Variants in ACYP2 observed in about 807,000 individuals in gnomAD.
The protein encoded by ACYP2 is acylphosphatase 2, also known as acylphosphatase-2.
A neutral mutation model predicts 11.2 loss-of-function variants in ACYP2; 12 were observed. The ratio of observed to expected loss-of-function variants is 1.08; its 90% CI spans 0.69 to 1.74. ACYP2 has a LOEUF of 1.74. Ranked by LOEUF, ACYP2 falls within the 40% of genes most tolerant of loss-of-function variation. The probability of loss-of-function intolerance (pLI) is 0.00; values close to 1 mark genes in which losing one functional copy is unlikely to be tolerated. For synonymous variants in ACYP2, 43 were observed against 32.2 expected (o/e 1.33, Z -1.13); for missense variants, 134 against 101.9 (o/e 1.31, Z -1.35).
At chr2:54,240,752 A>G (rs13415033) in intron 6 of ACYP2, among the ~76,000 whole-genome samples, 2,047 of 152,294 alleles carry the variant, frequency 0.013, 54 homozygotes, top group African/African-American at 0.047. Flanking sequence ...GAGAACTAAG[A>G]GTCAGGAAAC....
intron 4 of ACYP2, among the ~76,000 whole-genome samples, chr2:54,113,222 T>A (rs557210200): frequency 5.3e-5 from 8 of 151,522 alleles, no homozygotes; most frequent in African/African-American, 1.9e-4. Flanking sequence ...AGAGTCTGCA[T>A]GAGTTCAGTA....
At chr2:53,993,380 G>GA (rs1041492154) in intron 2 of ACYP2, among the ~76,000 whole-genome samples, 25 of 150,700 alleles carry the variant, frequency 1.7e-4, no homozygotes, top group African/African-American at 5.1e-4. Flanking sequence ...CTGGAAGGAA[G>GA]AAAAAAAAAG....
chr2:54,088,358 A>G (rs1408953068), intron 4 of ACYP2, among the ~76,000 whole-genome samples: 1 of 152,084 alleles, frequency 6.6e-6, no homozygotes, highest in Non-Finnish European at 1.5e-5. Context: ...ATTACTGTGA[A>G]ATGGGTCACA....
At chr2:54,092,143 T>G (rs1678269528) in intron 4 of ACYP2, among the ~76,000 whole-genome samples, 1 of 151,914 alleles carries the variant, frequency 6.6e-6, no homozygotes, top group African/African-American at 2.4e-5. Flanking sequence ...AAAGAGCAGT[T>G]TAAGGAAGGG....
intron 2 of ACYP2, among the ~76,000 whole-genome samples, chr2:53,989,738 T>C (rs974478349): frequency 6.6e-6 from 1 of 152,202 alleles, no homozygotes; most frequent in Non-Finnish European, 1.5e-5. Context: ...ATAAGTGATA[T>C]TGGATCTGTG....
At chr2:54,221,492 G>A (rs1041292721) in intron 6 of ACYP2, among the ~76,000 whole-genome samples, 4 of 149,608 alleles carry the variant, frequency 2.7e-5, no homozygotes, top group African/African-American at 9.9e-5. Flanking sequence ...TTGGCTAGTG[G>A]CCATTACAAA....
chr2:54,200,149 C>G (rs112704777), intron 6 of ACYP2, among the ~76,000 whole-genome samples: 3 of 152,136 alleles, frequency 2.0e-5, no homozygotes, highest in Non-Finnish European at 2.9e-5. Context: ...AAATCTGAAG[C>G]TGAGTTTGGT....
chr2:54,274,911 C>T (rs1688481414), intron 6 of ACYP2, among the ~76,000 whole-genome samples: 2 of 152,192 alleles, frequency 1.3e-5, no homozygotes, highest in South Asian at 2.1e-4. Flanking sequence ...CCACATTAAA[C>T]AGTGGTGCTT....
chr2:54,101,923 T>C (rs1159034882), intron 4 of ACYP2, among the ~76,000 whole-genome samples: 1 of 152,230 alleles, frequency 6.6e-6, no homozygotes, highest in Admixed American at 6.5e-5. Context: ...TTAATGGATA[T>C]TGACACTTTA....
intron 6 of ACYP2, among the ~76,000 whole-genome samples, chr2:54,186,356 G>T (rs1039366075): frequency 6.6e-6 from 1 of 152,116 alleles, no homozygotes; most frequent in Non-Finnish European, 1.5e-5. Context: ...TTGTAAATTG[G>T]TATGTAAATT....
chr2:54,240,221 G>A (rs907026809), intron 6 of ACYP2, among the ~76,000 whole-genome samples: 1 of 152,156 alleles, frequency 6.6e-6, no homozygotes. Flanking sequence ...TGATCTTAGT[G>A]TTGCACTTTT....
chr2:54,082,103 T>G (rs1558515324), intron 4 of ACYP2, among the ~76,000 whole-genome samples: 1 of 152,228 alleles, frequency 6.6e-6, no homozygotes, highest in Admixed American at 6.5e-5. Flanking sequence ...AACCCTGATC[T>G]GACAGGCATA....
At chr2:54,209,269 G>A (rs764404141) in intron 6 of ACYP2, among the ~76,000 whole-genome samples, 10 of 152,048 alleles carry the variant, frequency 6.6e-5, no homozygotes, top group Non-Finnish European at 1.2e-4. Context: ...CTGACTCTTG[G>A]TTGTTGTACT....
rs1483319703 is a variant in ACYP2, at chr2:54,213,956, TA to T, written c.404+75209del. On this transcript the variant is annotated intron_variant, in intron 6 of 6. Transcript: ENST00000607452. ...TTATTTTTTTATTTTTATTTTTTTGTAGCGACAAGATCTCCCTGGTCTTGAA... is the reference window on the plus strand; with the variant it reads ...TTATTTTTTTATTTTTATTTTTTTGTGCGACAAGATCTCCCTGGTCTTGAA... Among the ~76,000 whole-genome samples, 3 of 151,978 alleles carry T rather than the reference TA, an allele frequency of 2.0e-5. No homozygotes were observed. In the East Asian group the frequency reaches 5.8e-4, roughly 29 times the overall value.
At position 54,057,261 on chromosome 2, in the gene ACYP2, G is replaced by C. The variant is rs1178812542; in HGVS notation, c.178G>C (p.Glu60Gln). 1 of 397,838 alleles carries C rather than the reference G, an allele frequency of 2.5e-6. No individual in the cohort carries two copies. The highest frequency in any genetic ancestry group is 2.1e-5 in the African/African-American group (1 of 48,582). The allele number at this position is 397,838 out of a possible 1,614,324, so 24.6% of individuals were successfully genotyped here. A position where few individuals can be genotyped will look rare whatever the true frequency, so the allele number is the denominator to read the frequency against. ...CAGCTATAAATTCATACAATTATCA[G>C]AGTTTGGTTTTGGTCAAGTCATAAT... Residue 60 changes from glutamate (E) to glutamine (Q), a missense_variant, in exon 4 of 7, where the codon GAG (glutamate) becomes CAG (glutamine). Physicochemically the swap from Glu to Gln is conservative, Grantham distance 29. Transcript: ENST00000607452.
rs564074159 is a variant in ACYP2 at position 54,251,925 on chromosome 2, G to A, written c.405-52763G>A. 3.3e-5 allele frequency among the ~76,000 whole-genome samples: 5 copies of A among 152,290 alleles called. No homozygotes were observed. The South Asian group carries it at 1.0e-3, about 32-fold the overall frequency. ...AACACAATCCACTGTATGTACAGGT[G>A]TCACTTGACTTTCTGTTGCCTTGTG... On this transcript the variant is annotated intron_variant, in intron 6 of 6. Coordinates refer to ENST00000607452, the MANE Select transcript of ACYP2 (RefSeq NM_001320586.2).
At chr2:54,216,574 G>A (rs1219951159) in intron 6 of ACYP2, among the ~76,000 whole-genome samples, 1 of 144,766 alleles carries the variant, frequency 6.9e-6, no homozygotes, top group Non-Finnish European at 1.5e-5. Context: ...GTATCGCTAT[G>A]TCACCTAGGC....
chr2:54,253,975 T>C (rs1383498851), intron 6 of ACYP2: 1 of 152,184 alleles, frequency 6.6e-6, no homozygotes, highest in Non-Finnish European at 1.5e-5. Flanking sequence ...AAGAGATTTA[T>C]GAGAGATGAG....
chr2:54,288,215 C>T (rs949461040), intron 6 of ACYP2, among the ~76,000 whole-genome samples: 3 of 152,008 alleles, frequency 2.0e-5, no homozygotes, highest in African/African-American at 4.8e-5. Context: ...AAGTGATAAG[C>T]TTTCCCTTTT....
Sources: gnomAD v4.1 joint callset for allele counts (sites outside exome capture counted in the v4.1 genomes callset) on GRCh38, gnomAD v4.1.1 for gene constraint, MANE v1.5 for transcripts, NCBI Gene and HGNC (gene_info 2026-07-23, HGNC 2026-07-21) for gene names.